NRG1: variants seen among roughly 807,000 people sequenced by gnomAD.
The protein encoded by NRG1 is neuregulin 1.
NRG1 carries 18 observed loss-of-function variants against 63.8 expected under a neutral mutation model. The observed-to-expected ratio is 0.28, with a 90% CI of 0.19 to 0.42. The LOEUF is 0.42. Among genes scored for constraint, NRG1 ranks in the 10% least tolerant of loss-of-function variants. The pLI is 1.00. For missense variants in NRG1, 762 were observed against 814.7 expected (o/e 0.94, Z 0.79); for synonymous variants, 302 against 301.3 (o/e 1.00, Z -0.02).
At chr8:31,800,275 A>C (rs1306268847) in intron 1 of NRG1, among the ~76,000 whole-genome samples, 1 of 152,212 alleles carries the variant, frequency 6.6e-6, no homozygotes, top group East Asian at 1.9e-4. Flanking sequence ...AGGATAGAGC[A>C]GGTGGTGGGG....
At chr8:31,858,716 A>G (rs1828183398) in intron 1 of NRG1, among the ~76,000 whole-genome samples, 1 of 152,214 alleles carries the variant, frequency 6.6e-6, no homozygotes, top group African/African-American at 2.4e-5. Context: ...TGTTCAGCAA[A>G]TCAGTGCGAT....
At chr8:32,397,722 G>A (rs1344437396) in intron 1 of NRG1, among the ~76,000 whole-genome samples, 1 of 152,018 alleles carries the variant, frequency 6.6e-6, no homozygotes, top group Non-Finnish European at 1.5e-5. Flanking sequence ...GTGTATTCCG[G>A]TTCTGAAACA....
intron 1 of NRG1, among the ~76,000 whole-genome samples, chr8:31,727,431 G>A (rs569028512): frequency 6.6e-6 from 1 of 152,272 alleles, no homozygotes; most frequent in Admixed American, 6.5e-5. Flanking sequence ...GACAACCAGA[G>A]TCTTTAAAAA....
chr8:32,025,187 G>T (rs1408589358), intron 1 of NRG1, among the ~76,000 whole-genome samples: 1 of 152,048 alleles, frequency 6.6e-6, no homozygotes, highest in Non-Finnish European at 1.5e-5. Context: ...GAATTAATCT[G>T]ACTTACCATC....
rs1432365439 is a variant in NRG1 at position 32,749,873 on chromosome 8, G to T, written c.692-4499G>T. The T allele has an allele frequency of 5.4e-5, 23 of 422,890 alleles. No homozygotes were observed. The East Asian group carries it at 9.4e-4, about 17-fold the overall frequency. The allele number at this position is 422,890 out of a possible 1,614,324, so 26.2% of individuals were successfully genotyped here. ...CCCACGCTGCTTAACCCACTGATTG[G>T]ATCTAGCTCTGCTGTTATATAAAAG... is the stretch of plus-strand genomic sequence containing the variant. On this transcript the variant is annotated intron_variant, in intron 7 of 11. Coordinates refer to ENST00000356819, the Ensembl canonical transcript of NRG1.
At chr8:32,054,887 TTTTTTTTTTTTTTTTTTTTG>T (rs1337721143) in intron 1 of NRG1, among the ~76,000 whole-genome samples, 3 of 98,490 alleles carry the variant, frequency 3.0e-5, no homozygotes, top group African/African-American at 1.0e-4. Flanking sequence ...TTTTTTTTTT[TTTTTTTTTTTTTTTTTTTTG>T]AGATGAGTCT....
intron 1 of NRG1, chr8:31,639,829 C>T: frequency 8.4e-7 from 1 of 1,188,696 alleles, no homozygotes. Flanking sequence ...CCATAAACAA[C>T]TCTCCTACCC....
chr8:32,079,125 A>G (rs1182777912), intron 1 of NRG1, among the ~76,000 whole-genome samples: 1 of 146,726 alleles, frequency 6.8e-6, no homozygotes, highest in East Asian at 2.1e-4. Flanking sequence ...TTAACACAGA[A>G]TGTTTATGCA....
chr8:31,844,145 C>T (rs1441471571), intron 1 of NRG1, among the ~76,000 whole-genome samples: 2 of 152,168 alleles, frequency 1.3e-5, no homozygotes. Context: ...AAGCCAGGTC[C>T]TAACCCAAAT....
At position 32,178,703 on chromosome 8, in the gene NRG1, T is replaced by C. The variant is rs144289841; in HGVS notation, c.38-417125T>C. On this transcript the variant is annotated intron_variant, in intron 1 of 10. Coordinates refer to the NRG1 transcript ENST00000519301. ...AGGAGGCCATGCCAGAAGCTGCTGCTGTACTTTAGGCAAATTCTATGTGGT... is the reference window on the plus strand; with the variant it reads ...AGGAGGCCATGCCAGAAGCTGCTGCCGTACTTTAGGCAAATTCTATGTGGT... 3.9e-3 allele frequency among the ~76,000 whole-genome samples: 598 copies of C among 152,294 alleles called. 1 individual carries two copies. The highest frequency in any genetic ancestry group is 5.8e-3 in the Non-Finnish European group (394 of 68,020).
intron 2 of NRG1, among the ~76,000 whole-genome samples, chr8:32,603,221 A>G (rs940655169): frequency 7.2e-5 from 11 of 152,304 alleles, no homozygotes; most frequent in African/African-American, 2.6e-4. Context: ...TTCAGAAAAC[A>G]TTAACAGATA....
chr8:31,735,874 T>C (rs1814614770), intron 1 of NRG1, among the ~76,000 whole-genome samples: 1 of 152,204 alleles, frequency 6.6e-6, no homozygotes, highest in African/African-American at 2.4e-5. Flanking sequence ...ATTCTCTGCA[T>C]GTATCTAGAA....
At chr8:32,182,026 A>G (rs1318169343) in intron 1 of NRG1, among the ~76,000 whole-genome samples, 1 of 152,218 alleles carries the variant, frequency 6.6e-6, no homozygotes, top group African/African-American at 2.4e-5. Flanking sequence ...ATTCAAGTGT[A>G]AAATTCTACT....
intron 1 of NRG1, among the ~76,000 whole-genome samples, chr8:32,193,687 C>G (rs1048496782): frequency 6.6e-6 from 1 of 151,998 alleles, no homozygotes; most frequent in Non-Finnish European, 1.5e-5. Context: ...AGAATCCCAG[C>G]CCCCGGTAAC....
chr8:31,917,822 C>T (rs1032650383), intron 1 of NRG1, among the ~76,000 whole-genome samples: 23 of 152,094 alleles, frequency 1.5e-4, no homozygotes, highest in East Asian at 1.9e-4. Flanking sequence ...ATGATATTGA[C>T]TCTTCCTACC....
intron 1 of NRG1, among the ~76,000 whole-genome samples, chr8:32,200,273 A>G (rs1318767469): frequency 6.6e-6 from 1 of 152,152 alleles, no homozygotes; most frequent in Non-Finnish European, 1.5e-5. Context: ...AAACCGCCTC[A>G]ACTTTATATT....
At chr8:32,487,525 G>C (rs1826051470) in intron 1 of NRG1, among the ~76,000 whole-genome samples, 1 of 152,098 alleles carries the variant, frequency 6.6e-6, no homozygotes, top group Non-Finnish European at 1.5e-5. Context: ...CCACTAGGGT[G>C]GGCAAGTATC....
rs370369799 is a variant in NRG1, at chr8:32,374,130, C to T, written c.38-221698C>T. Among the ~76,000 whole-genome samples, 12 of 152,028 alleles carry T rather than the reference C, an allele frequency of 7.9e-5. 1 individual carries two copies. The highest frequency in any genetic ancestry group is 5.9e-4 in the Admixed American group (9 of 15,258). On this transcript the variant is annotated intron_variant, in intron 1 of 10. Coordinates refer to the NRG1 transcript ENST00000519301. ...CAACCAGCCTGAACCTCTCATTTTACGGGTGACAAGTTGAATACAAAACTT... is the reference window on the plus strand; with the variant it reads ...CAACCAGCCTGAACCTCTCATTTTATGGGTGACAAGTTGAATACAAAACTT...
chr8:32,243,970 C>T (rs1396432664), intron 1 of NRG1, among the ~76,000 whole-genome samples: 4 of 152,090 alleles, frequency 2.6e-5, no homozygotes, highest in South Asian at 2.1e-4. Flanking sequence ...AGGAAATCGA[C>T]GTTCATTGTT....
Sources: allele counts gnomAD v4.1 joint callset (sites outside exome capture counted in the v4.1 genomes callset), GRCh38; gene constraint gnomAD v4.1.1; transcripts MANE v1.5; gene names NCBI Gene and HGNC (gene_info 2026-07-23, HGNC 2026-07-21).